The following PKP2 variants were observed in gnomAD, a reference collection of about 807,000 sequenced individuals.
The protein encoded by PKP2 is plakophilin 2.
Under a neutral mutation model 83.4 loss-of-function variants are expected in PKP2, and 73 were observed. The ratio of observed to expected loss-of-function variants is 0.88; its 90% confidence interval spans 0.72 to 1.06. The LOEUF is 1.06. PKP2 is among the 50% of genes least tolerant of loss of function. The pLI is 0.00. For missense variants in PKP2, 966 were observed against 1,065.4 expected (o/e 0.91, Z 1.30); for synonymous variants, 409 against 430.4 (o/e 0.95, Z 0.62).
intron 6 of PKP2, among the ~76,000 whole-genome samples, chr12:32,828,836 G>A (rs183116281): frequency 9.2e-5 from 14 of 152,302 alleles, no homozygotes; most frequent in Admixed American, 9.1e-4. Context: ...TTAGTTTCCA[G>A]GACATGAGAA....
chr12:32,893,498 T>G (rs1028719952), intron 1 of PKP2: 2 of 152,238 alleles, frequency 1.3e-5, no homozygotes, highest in Non-Finnish European at 2.9e-5. Context: ...TTTCATGGCA[T>G]GCTAATGTTA....
At chr12:32,858,844 C>T (rs1285909441) in intron 4 of PKP2, among the ~76,000 whole-genome samples, 1 of 151,946 alleles carries the variant, frequency 6.6e-6, no homozygotes, top group Non-Finnish European at 1.5e-5. Context: ...AAAACCACAC[C>T]AAAAGGTGCT....
intron 9 of PKP2, among the ~76,000 whole-genome samples, chr12:32,805,719 C>G (rs769575605): frequency 3.3e-5 from 5 of 152,090 alleles, no homozygotes; most frequent in Non-Finnish European, 5.9e-5. Context: ...CCCTGTAACA[C>G]AGTTTGAAGT....
chr12:32,844,455 A>G (rs1334540327), intron 5 of PKP2, among the ~76,000 whole-genome samples: 2 of 152,234 alleles, frequency 1.3e-5, no homozygotes, highest in African/African-American at 2.4e-5. Flanking sequence ...AACTGATATT[A>G]GGAGCTAATG....
chr12:32,888,994 T>C (rs1483906785), intron 1 of PKP2, among the ~76,000 whole-genome samples: 2 of 152,160 alleles, frequency 1.3e-5, no homozygotes, highest in African/African-American at 2.4e-5. Context: ...TCAAATGTAT[T>C]TTCACAAAAC....
chr12:32,851,046 CAG>C (rs1333301442), intron 4 of PKP2, 73 bp from the exon 5 acceptor site: 1 of 1,233,464 alleles, frequency 8.1e-7, no homozygotes, highest in African/African-American at 1.5e-5. Context: ...GTAATACAAA[CAG>C]ATGAAGTTTA....
chr12:32,878,805 T>C, intron 2 of PKP2, 115 bp downstream of exon 2: 1 of 749,598 alleles, frequency 1.3e-6, no homozygotes, highest in Non-Finnish European at 2.3e-6. Flanking sequence ...TCAAAACTCA[T>C]TTAGGAAATG....
intron 1 of PKP2, among the ~76,000 whole-genome samples, chr12:32,887,750 C>G (rs988891796): frequency 6.6e-6 from 1 of 152,178 alleles, no homozygotes; most frequent in African/African-American, 2.4e-5. Flanking sequence ...TTAAATGGCC[C>G]TTTTATATCA....
At chr12:32,833,941 C>CT (rs1956523106) in intron 6 of PKP2, among the ~76,000 whole-genome samples, 1 of 152,080 alleles carries the variant, frequency 6.6e-6, no homozygotes, top group Non-Finnish European at 1.5e-5. Flanking sequence ...AGGAAAGTGA[C>CT]TTTTTAGGGC....
chr12:32,895,275 C>T (rs1490448995), intron 1 of PKP2, among the ~76,000 whole-genome samples: 2 of 152,156 alleles, frequency 1.3e-5, no homozygotes, highest in African/African-American at 2.4e-5. Flanking sequence ...ATATTAACTA[C>T]GATCATTGAA....
chr12:32,825,544 G>A (rs189163352), intron 6 of PKP2, among the ~76,000 whole-genome samples: 1 of 152,138 alleles, frequency 6.6e-6, no homozygotes, highest in African/African-American at 2.4e-5. Flanking sequence ...ATGTGTTAGT[G>A]TCATTCTGAA....
chr12:32,842,074 A>T (rs758112772), intron 5 of PKP2, among the ~76,000 whole-genome samples: 5 of 152,220 alleles, frequency 3.3e-5, no homozygotes, highest in Non-Finnish European at 7.3e-5. Context: ...TGACATACAG[A>T]CTGAGGCTGA....
At chr12:32,823,184 G>A (rs1370672964) in intron 7 of PKP2, among the ~76,000 whole-genome samples, 1 of 152,122 alleles carries the variant, frequency 6.6e-6, no homozygotes, top group African/African-American at 2.4e-5. Flanking sequence ...GGAGGCTGAG[G>A]TGATGGATCA....
intron 3 of PKP2, among the ~76,000 whole-genome samples, chr12:32,871,145 T>G (rs1215236560): frequency 1.3e-5 from 2 of 151,996 alleles, no homozygotes; most frequent in Non-Finnish European, 2.9e-5. Flanking sequence ...TTGGATCTAC[T>G]ACACCCCTCC....
chr12:32,842,212 C>A (rs141350057), intron 5 of PKP2, among the ~76,000 whole-genome samples: 46 of 152,230 alleles, frequency 3.0e-4, no homozygotes, highest in African/African-American at 1.1e-3. Flanking sequence ...TCCAGGGACT[C>A]CCAGCAGGTG....
At chr12:32,858,087 ATATATATAT>A (rs1956768059) in intron 4 of PKP2, among the ~76,000 whole-genome samples, 10 of 56,334 alleles carry the variant, frequency 1.8e-4, no homozygotes, top group Non-Finnish European at 2.3e-4. Flanking sequence ...AAAAAAAAAT[ATATATATAT>A]ATATATATAT....
intron 9 of PKP2, among the ~76,000 whole-genome samples, chr12:32,803,353 CAG>C (rs1956199631): frequency 6.6e-6 from 1 of 152,144 alleles, no homozygotes; most frequent in African/African-American, 2.4e-5. Flanking sequence ...GCCTGGGTGA[CAG>C]AGTGACAGTG....
At chr12:32,896,479 C>A in intron 1 of PKP2, 30 bp downstream of exon 1, 3 of 1,435,048 alleles carry the variant, frequency 2.1e-6, no homozygotes, top group Admixed American at 2.2e-5. Context: ...GGGCAGGGGG[C>A]GGCGCCGGGG....
At chr12:32,887,988 T>C (rs1957044815) in intron 1 of PKP2, among the ~76,000 whole-genome samples, 1 of 152,004 alleles carries the variant, frequency 6.6e-6, no homozygotes, top group Non-Finnish European at 1.5e-5. Flanking sequence ...GAGACCAGCC[T>C]GGGCAAAAAG....
Sources: gnomAD v4.1 joint callset for allele counts (sites outside exome capture counted in the v4.1 genomes callset) on GRCh38, gnomAD v4.1.1 for gene constraint, MANE v1.5 for transcripts, NCBI Gene and HGNC (gene_info 2026-07-23, HGNC 2026-07-21) for gene names.